Variants in SCAMP1 observed in about 807,000 individuals in gnomAD.
SCAMP1 encodes secretory carrier-associated membrane protein 1.
Under a neutral mutation model 41.8 loss-of-function variants are expected in SCAMP1, and 15 were observed. That is an observed-to-expected ratio of 0.36 (90% CI 0.24 to 0.55). The LOEUF is 0.55. Ranked by LOEUF, SCAMP1 falls within the 20% of genes least tolerant of loss-of-function variation. The pLI, the probability that SCAMP1 is intolerant of heterozygous loss-of-function variation, is 0.86. For missense variants in SCAMP1, 341 were observed against 412.6 expected, an observed-to-expected ratio of 0.83 and a Z score of 1.50; for synonymous variants, 135 against 136.8, an observed-to-expected ratio of 0.99 and a Z score of 0.09.
chr5:78,416,488 A>G (rs1346992184), intron 3 of SCAMP1, 53 bp from the exon 4 acceptor site: 2 of 1,330,630 alleles, frequency 1.5e-6, no homozygotes, highest in East Asian at 5.1e-5. Flanking sequence ...TATAAATGTT[A>G]AAGTATTTTA....
chr5:78,403,352 A>G (rs1346295239), intron 2 of SCAMP1, among the ~76,000 whole-genome samples: 4 of 152,110 alleles, frequency 2.6e-5, no homozygotes, highest in Admixed American at 1.3e-4. Flanking sequence ...TCTTTGTATC[A>G]TTGCTGTCAT....
chr5:78,416,364 A>C (rs916794431), intron 3 of SCAMP1, among the ~76,000 whole-genome samples, 177 bp from the exon 4 acceptor site: 1 of 152,188 alleles, frequency 6.6e-6, no homozygotes, highest in African/African-American at 2.4e-5. Context: ...CAAAGACCAA[A>C]TGGACCAAAT....
In SCAMP1 at chr5:78,394,146, T is replaced by C. The variant is rs1329998092; in HGVS notation, c.135+5232T>C. 2.0e-5 allele frequency among the ~76,000 whole-genome samples: 3 copies of C among 152,038 alleles called. No homozygotes were observed. The East Asian group carries it at 5.8e-4, about 29-fold the overall frequency. ...TCCAGGTACTGACAGTGTGAGGGGG[T>C]ATGCCCAGATGGTCATCTCTGACCA... On this transcript the variant is annotated intron_variant, in intron 2 of 8. Transcript: ENST00000621999.
intron 2 of SCAMP1, among the ~76,000 whole-genome samples, chr5:78,410,851 A>G (rs1451629761): frequency 6.6e-6 from 1 of 152,210 alleles, no homozygotes; most frequent in Non-Finnish European, 1.5e-5. Flanking sequence ...GACTGGTGTG[A>G]GACGGTATCT....
At chr5:78,456,332 T>C (rs9707036) in intron 7 of SCAMP1, among the ~76,000 whole-genome samples, 2 of 152,118 alleles carry the variant, frequency 1.3e-5, no homozygotes, top group Non-Finnish European at 2.9e-5. Context: ...CCGGTTGTTC[T>C]TTTCCATGTT....
intron 7 of SCAMP1, among the ~76,000 whole-genome samples, chr5:78,454,611 C>G (rs1356724330): frequency 6.6e-6 from 1 of 152,034 alleles, no homozygotes; most frequent in Non-Finnish European, 1.5e-5. Flanking sequence ...ATTTTTGCGT[C>G]AATGTTCATC....
In SCAMP1 at chr5:78,432,710, ATG is replaced by A. The variant is rs200741611; in HGVS notation, c.632+10758_632+10759del. ...CGTGTGTGCAATGTGTGTTATGTATATGTGTGTGTTTCTGTTTATCCTTAGTG... is the reference window on the plus strand; with the variant it reads ...CGTGTGTGCAATGTGTGTTATGTATATGTGTGTTTCTGTTTATCCTTAGTG... On this transcript the variant is annotated intron_variant, in intron 6 of 8. Transcript: ENST00000621999. Among the ~76,000 whole-genome samples, 1,350 of 151,930 alleles carry A rather than the reference ATG, an allele frequency of 8.9e-3. 16 individuals are homozygous for A. The highest frequency in any genetic ancestry group is 0.031 in the African/African-American group (1,272 of 41,486).
At chr5:78,405,213 GGAAACT>G (rs1367072192) in intron 2 of SCAMP1, among the ~76,000 whole-genome samples, 2 of 152,112 alleles carry the variant, frequency 1.3e-5, no homozygotes, top group Non-Finnish European at 2.9e-5. Flanking sequence ...ACATGAAACT[GGAAACT>G]GAAAGTCCCC....
intron 7 of SCAMP1, among the ~76,000 whole-genome samples, chr5:78,455,407 G>T (rs1473215386): frequency 4.7e-5 from 6 of 127,394 alleles, no homozygotes; most frequent in South Asian, 3.1e-4. Flanking sequence ...TGGTTTCAAA[G>T]AACATCTTTA....
intron 8 of SCAMP1, among the ~76,000 whole-genome samples, chr5:78,460,632 T>C (rs1189453787): frequency 1.3e-5 from 2 of 151,888 alleles, no homozygotes; most frequent in African/African-American, 4.8e-5. Flanking sequence ...CCTTTATACA[T>C]TCTGGATATT....
chr5:78,367,352 C>CT (rs888078022), intron 1 of SCAMP1, among the ~76,000 whole-genome samples: 4 of 151,924 alleles, frequency 2.6e-5, no homozygotes, highest in Non-Finnish European at 4.4e-5. Context: ...CAGGTTTTTT[C>CT]TTTTTTTTAA....
At chr5:78,368,336 G>T (rs1750849764) in intron 1 of SCAMP1, among the ~76,000 whole-genome samples, 2 of 148,744 alleles carry the variant, frequency 1.3e-5, no homozygotes, top group African/African-American at 2.4e-5. Context: ...TTTTATTTTG[G>T]CCCTGTAGCT....
intron 2 of SCAMP1, among the ~76,000 whole-genome samples, chr5:78,404,739 T>C (rs1314621314): frequency 1.3e-5 from 2 of 152,192 alleles, no homozygotes; most frequent in Admixed American, 6.5e-5. Context: ...ACTGGTTAAA[T>C]AGTTTCTCCT....
At chr5:78,423,932 C>T (rs1002283984) in intron 6 of SCAMP1, among the ~76,000 whole-genome samples, 1 of 151,482 alleles carries the variant, frequency 6.6e-6, no homozygotes, top group African/African-American at 2.4e-5. Flanking sequence ...GCAACCTCTG[C>T]CTCCTGGGTT....
intron 1 of SCAMP1, among the ~76,000 whole-genome samples, chr5:78,364,832 A>T (rs1371124285): frequency 7.2e-6 from 1 of 139,236 alleles, no homozygotes; most frequent in African/African-American, 2.7e-5. Flanking sequence ...GGAATTGAAT[A>T]ATGAGAACAC....
chr5:78,401,798 AT>A (rs374028287), intron 2 of SCAMP1, among the ~76,000 whole-genome samples: 1 of 151,098 alleles, frequency 6.6e-6, no homozygotes, highest in Non-Finnish European at 1.5e-5. Flanking sequence ...CATTTTGTTG[AT>A]TTTTTTCTAT....
chr5:78,404,483 A>C (rs1429023857), intron 2 of SCAMP1, among the ~76,000 whole-genome samples: 1 of 96,118 alleles, frequency 1.0e-5, no homozygotes, highest in East Asian at 3.7e-4. Context: ...TGCTAGGCTG[A>C]CATGATGTAC....
chr5:78,443,327 G>A (rs149375731), intron 6 of SCAMP1, among the ~76,000 whole-genome samples: 1 of 151,318 alleles, frequency 6.6e-6, no homozygotes, highest in African/African-American at 2.4e-5. Flanking sequence ...AAATCTGTTT[G>A]CTTATCCGTA....
chr5:78,456,600 C>G (rs893000171), intron 7 of SCAMP1, among the ~76,000 whole-genome samples: 2 of 150,518 alleles, frequency 1.3e-5, no homozygotes, highest in East Asian at 2.0e-4. Context: ...CGACCTTTCT[C>G]TCTGGCTGCC....
Sources: allele counts gnomAD v4.1 joint callset (sites outside exome capture counted in the v4.1 genomes callset), GRCh38; gene constraint gnomAD v4.1.1; transcripts MANE v1.5; gene names NCBI Gene and HGNC (gene_info 2026-07-23, HGNC 2026-07-21).